The following LDLRAD4 variants were observed in gnomAD, a reference collection of about 807,000 sequenced individuals.
LDLRAD4 encodes low-density lipoprotein receptor class A domain-containing protein 4.
Under a neutral mutation model 17.0 loss-of-function variants are expected in LDLRAD4, and 5 were observed. That is an observed-to-expected ratio of 0.29 (90% CI 0.15 to 0.62). LDLRAD4 has a LOEUF of 0.62. Among genes scored for constraint, LDLRAD4 ranks in the 20% least tolerant of loss-of-function variants. The probability of loss-of-function intolerance (pLI) is 0.84; values close to 1 mark genes in which losing one functional copy is unlikely to be tolerated. For missense variants in LDLRAD4, 340 were observed against 424.7 expected (o/e 0.80, Z 1.75); for synonymous variants, 168 against 171.8 (o/e 0.98, Z 0.17).
chr18:13,217,821 G>A (rs1311559836), upstream of LDLRAD4: 2 of 151,408 alleles, frequency 1.3e-5, 1 homozygote, highest in Admixed American at 1.3e-4. The surrounding 1 kb of genome is among the most constrained non-coding windows in gnomAD (Gnocchi z 4.9). Flanking sequence ...GCGGCCGGCC[G>A]GGGATCCCCT....
chr18:13,336,568 C>T (rs2082112560), intron 1 of LDLRAD4, among the ~76,000 whole-genome samples: 1 of 152,012 alleles, frequency 6.6e-6, no homozygotes, highest in Non-Finnish European at 1.5e-5. Flanking sequence ...GTTTCAATTT[C>T]TAGGCTTTTC....
intron 5 of LDLRAD4, 41 bp downstream of exon 6, chr18:13,643,453 G>C (rs1434943475): frequency 9.2e-6 from 4 of 433,214 alleles, no homozygotes; most frequent in African/African-American, 6.2e-5. Flanking sequence ...GGGGCGGGGG[G>C]GGTGGGTGGG....
chr18:13,523,964 T>C (rs1441487616), intron 3 of LDLRAD4, among the ~76,000 whole-genome samples: 1 of 152,236 alleles, frequency 6.6e-6, no homozygotes, highest in East Asian at 1.9e-4. Flanking sequence ...TCTTGGCTGG[T>C]GAACCTCTCT....
intron 1 of LDLRAD4, chr18:13,362,632 G>A (rs1218282914): frequency 6.6e-6 from 1 of 152,194 alleles, no homozygotes; most frequent in Non-Finnish European, 1.5e-5. Context: ...AATAAAACAA[G>A]TGGAAAATTT....
At chr18:13,485,390 C>T (rs377331505) in intron 3 of LDLRAD4, among the ~76,000 whole-genome samples, 32 of 152,360 alleles carry the variant, frequency 2.1e-4, no homozygotes, top group African/African-American at 6.0e-4. Context: ...AACTTGGCCA[C>T]GTGCCCTCGT....
At chr18:13,517,705 A>G (rs1164142873) in intron 3 of LDLRAD4, among the ~76,000 whole-genome samples, 1 of 152,028 alleles carries the variant, frequency 6.6e-6, no homozygotes, top group Non-Finnish European at 1.5e-5. Flanking sequence ...TATATGACAT[A>G]CTGTTCTTAT....
At chr18:13,573,534 G>T (rs1162592008) in intron 3 of LDLRAD4, among the ~76,000 whole-genome samples, 2 of 152,212 alleles carry the variant, frequency 1.3e-5, no homozygotes, top group Admixed American at 1.3e-4. Flanking sequence ...GCCACTGGCT[G>T]CTCTCCTTTA....
At chr18:13,572,202 G>T (rs980783580) in intron 3 of LDLRAD4, among the ~76,000 whole-genome samples, 15 of 152,346 alleles carry the variant, frequency 9.8e-5, no homozygotes, top group African/African-American at 2.9e-4. Flanking sequence ...AGCCTTAAGT[G>T]AGCATGTACT....
At chr18:13,519,838 C>G (rs1350757516) in intron 3 of LDLRAD4, 1 of 152,166 alleles carries the variant, frequency 6.6e-6, no homozygotes, top group Non-Finnish European at 1.5e-5. Flanking sequence ...CCAAAAAGTG[C>G]TGGTTTACCA....
chr18:13,385,017 G>C (rs929083555), intron 1 of LDLRAD4, among the ~76,000 whole-genome samples: 1 of 152,206 alleles, frequency 6.6e-6, no homozygotes, highest in African/African-American at 2.4e-5. Flanking sequence ...GGGATTGCTG[G>C]ATCATATGGT....
At chr18:13,408,493 G>A (rs1460453215) in intron 2 of LDLRAD4, among the ~76,000 whole-genome samples, 2 of 150,600 alleles carry the variant, frequency 1.3e-5, no homozygotes, top group Non-Finnish European at 3.0e-5. Context: ...TTTTTTTGGC[G>A]ATGAAGTTTT....
upstream of LDLRAD4, among the ~76,000 whole-genome samples, chr18:13,277,497 T>C (rs1331850176): frequency 2.6e-5 from 4 of 152,194 alleles, no homozygotes; most frequent in African/African-American, 9.7e-5. Flanking sequence ...GGACAAAATC[T>C]GAAGCACCAG....
At chr18:13,457,135 C>T (rs117144624) in intron 3 of LDLRAD4, among the ~76,000 whole-genome samples, 5,631 of 152,354 alleles carry the variant, frequency 0.037, 121 homozygotes, top group Non-Finnish European at 0.053. Context: ...CCTCAGACTC[C>T]AGTTGCAAGT....
chr18:13,500,352 C>T (rs77288446), intron 3 of LDLRAD4, among the ~76,000 whole-genome samples: 1,691 of 152,294 alleles, frequency 0.011, 30 homozygotes, highest in African/African-American at 0.039. Context: ...GGACAGTGGC[C>T]GCGTCTCTGT....
chr18:13,547,532 C>T (rs2094382411), intron 3 of LDLRAD4, among the ~76,000 whole-genome samples: 1 of 152,180 alleles, frequency 6.6e-6, no homozygotes, highest in African/African-American at 2.4e-5. Context: ...AGTCCTGGCC[C>T]AGATCCCACA....
chr18:13,348,069 A>G (rs1355736949), intron 1 of LDLRAD4, among the ~76,000 whole-genome samples: 1 of 151,750 alleles, frequency 6.6e-6, no homozygotes, highest in Non-Finnish European at 1.5e-5. Context: ...TCTTTTCTCA[A>G]CTCGTCAAAG....
chr18:13,500,287 G>A (rs1051928606), intron 3 of LDLRAD4, among the ~76,000 whole-genome samples: 2 of 152,196 alleles, frequency 1.3e-5, no homozygotes, highest in East Asian at 3.9e-4. Context: ...GGCACATTGC[G>A]TCGTCTCTCA....
At chr18:13,297,582 G>C (rs1193890897) in intron 1 of LDLRAD4, among the ~76,000 whole-genome samples, 1 of 152,214 alleles carries the variant, frequency 6.6e-6, no homozygotes, top group Non-Finnish European at 1.5e-5. Flanking sequence ...ATGGCTTGAA[G>C]CCAGGTGTCC....
At chr18:13,478,709 A>G (rs2093009752) in intron 3 of LDLRAD4, among the ~76,000 whole-genome samples, 1 of 152,246 alleles carries the variant, frequency 6.6e-6, no homozygotes, top group East Asian at 1.9e-4. Context: ...TCCCAAATTC[A>G]TAAATGGATT....
Sources: allele counts gnomAD v4.1 joint callset (sites outside exome capture counted in the v4.1 genomes callset), GRCh38; gene constraint gnomAD v4.1.1; non-coding constraint Gnocchi (gnomAD v3.1); transcripts MANE v1.5; gene names NCBI Gene and HGNC (gene_info 2026-07-23, HGNC 2026-07-21).